The following CLN8 variants were observed in gnomAD, a reference collection of about 807,000 sequenced individuals.
CLN8 encodes CLN8 transmembrane ER and ERGIC protein, also known as protein CLN8.
A neutral mutation model predicts 15.7 loss-of-function variants in CLN8; 14 were observed. That is an observed-to-expected ratio of 0.89 (90% CI 0.59 to 1.39). The LOEUF is 1.39. Among genes scored for constraint, CLN8 ranks in the 40% most tolerant of loss-of-function variants. The pLI, the probability that CLN8 is intolerant of heterozygous loss-of-function variation, is 0.00. For synonymous variants in CLN8, 188 were observed against 151.0 expected, an observed-to-expected ratio of 1.25 and a Z score of -1.80; for missense variants, 415 against 364.0, an observed-to-expected ratio of 1.14 and a Z score of -1.14.
At chr8:1,779,630 A>G in intron 2 of CLN8, among the ~76,000 whole-genome samples, 1 of 152,240 alleles carries the variant, frequency 6.6e-6, no homozygotes, top group East Asian at 1.9e-4. Context: ...GGCAGCTGGA[A>G]TAGCAGAAAT....
intron 1 of CLN8, among the ~76,000 whole-genome samples, chr8:1,756,343 G>A (rs559382970): frequency 6.6e-6 from 1 of 152,108 alleles, no homozygotes; most frequent in African/African-American, 2.4e-5. Context: ...AATTAGCCGG[G>A]TGTAGTGGTA....
In CLN8 at chr8:1,782,505, T is replaced by C. The variant is rs567865373; in HGVS notation, c.*1938T>C. 1 of 152,318 alleles carries C rather than the reference T, an allele frequency of 6.6e-6. No homozygotes were observed. The highest frequency in any genetic ancestry group is 1.9e-4 in the East Asian group (1 of 5,188). The allele number at this position is 152,318 out of a possible 1,614,324, so 9.4% of individuals were successfully genotyped here. A position where few individuals can be genotyped will look rare whatever the true frequency, so the allele number is the denominator to read the frequency against. On this transcript the variant is annotated 3_prime_UTR_variant, in exon 3 of 3. Coordinates refer to ENST00000331222, the MANE Select transcript of CLN8 (RefSeq NM_018941.4). ...ATATTGACCAAGGTGTATAGTAACC[T>C]ATTTATCACATTTTACGAAGCAATT...
At chr8:1,778,023 G>T (rs1435466328) in intron 2 of CLN8, among the ~76,000 whole-genome samples, 1 of 152,252 alleles carries the variant, frequency 6.6e-6, no homozygotes, top group Non-Finnish European at 1.5e-5. Flanking sequence ...CAGTTGTCCA[G>T]CCTCACCTGG....
At chr8:1,758,551 C>A (rs919151798) in intron 1 of CLN8, 1 of 152,208 alleles carries the variant, frequency 6.6e-6, no homozygotes, top group Non-Finnish European at 1.5e-5. Context: ...GTTCTCTTCT[C>A]CAAACACCTC....
chr8:1,759,088 T>C (rs534232088), upstream of CLN8: 9 of 152,328 alleles, frequency 5.9e-5, no homozygotes, highest in African/African-American at 1.9e-4. Context: ...AGTATCTTAT[T>C]GCTACAGAGT....
chr8:1,771,335 A>C lies in CLN8; in HGVS notation c.281A>C (p.Asp94Ala). The C allele has an allele frequency of 1.2e-6, 2 of 1,614,212 alleles. No individual in the cohort carries two copies. The highest frequency in any genetic ancestry group is 4.5e-5 in the East Asian group (2 of 44,882). ...CTGGGGGACCCTGTGCTGCATGCCG[A>C]CAAGGCGCGTGGCCAGCAGAACTGG... is the stretch of plus-strand genomic sequence containing the variant. ...ALLGDPVLHA[D>A]KARGQQNWCW... The change falls in exon 2 of 3, where the codon GAC becomes GCC. Residue 94 changes from aspartate to alanine, a missense_variant. Coordinates refer to ENST00000331222, the MANE Select transcript of CLN8 (RefSeq NM_018941.4).
chr8:1,771,929 A>ACATTTATT (rs1801323180), intron 2 of CLN8, among the ~76,000 whole-genome samples: 1 of 148,058 alleles, frequency 6.8e-6, no homozygotes, highest in Non-Finnish European at 1.5e-5. Context: ...TTTTAATACT[A>ACATTTATT]TATTTATTTA....
chr8:1,772,850 T>A, intron 2 of CLN8: 1 of 398,062 alleles, frequency 2.5e-6, no homozygotes, highest in South Asian at 1.3e-4. Flanking sequence ...ATATTTGATA[T>A]GAAATTTGAG....
At chr8:1,755,356 A>C, upstream of CLN8, among the ~76,000 whole-genome samples, 1 of 150,904 alleles carries the variant, frequency 6.6e-6, no homozygotes, top group East Asian at 2.0e-4. Context: ...TCCCCACCCG[A>C]CTCCCCTCGC....
Position 1,771,006 on chromosome 8 carries a change from G to C in CLN8, c.-49G>C. On this transcript the variant is annotated 5_prime_UTR_variant, in exon 2 of 3. Coordinates refer to ENST00000331222, the MANE Select transcript of CLN8 (RefSeq NM_018941.4). ...TTCCTTAGACAAGACACAGTGTAGG[G>C]CCCGGCCCGTGTTGGCCCCAGGACT... is the stretch of plus-strand genomic sequence containing the variant. The C allele has an allele frequency of 6.3e-7, 1 of 1,582,986 alleles. No individual in the cohort carries two copies. The highest frequency in any genetic ancestry group is 8.7e-7 in the Non-Finnish European group (1 of 1,153,992).
At position 1,780,861 on chromosome 8, in the gene CLN8, A is replaced by G; in HGVS notation, c.*294A>G. On this transcript the variant is annotated 3_prime_UTR_variant, in exon 3 of 3. Coordinates refer to ENST00000331222, the MANE Select transcript of CLN8 (RefSeq NM_018941.4). ...AGGCATCGGGGCGTCACACCTGTTG[A>G]GGAGTGGGGTGGCTTTGAATGCTGG... 1 of 492,088 alleles carries G rather than the reference A, an allele frequency of 2.0e-6. No individual in the cohort carries two copies. Among genetic ancestry groups the G allele is most frequent in the Non-Finnish European group, 3.6e-6 (1 of 275,342 alleles). The allele number at this position is 492,088 out of a possible 1,614,324, so 30.5% of individuals were successfully genotyped here. A position where few individuals can be genotyped will look rare whatever the true frequency, so the allele number is the denominator to read the frequency against.
intron 1 of CLN8, 103 bp from the exon 2 acceptor site, chr8:1,770,829 G>C: frequency 1.7e-6 from 1 of 600,238 alleles, no homozygotes; most frequent in Non-Finnish European, 3.0e-6. Context: ...TTAAGAATAA[G>C]GTACAGAATT....
At chr8:1,768,914 T>C (rs575414230) in intron 1 of CLN8, among the ~76,000 whole-genome samples, 88 of 152,338 alleles carry the variant, frequency 5.8e-4, no homozygotes, top group Non-Finnish European at 9.8e-4. Flanking sequence ...ATATATAGCA[T>C]GACCAGAAGT....
At chr8:1,774,985 A>G (rs1397621251) in intron 2 of CLN8, among the ~76,000 whole-genome samples, 3 of 152,172 alleles carry the variant, frequency 2.0e-5, no homozygotes, top group African/African-American at 7.2e-5. Context: ...TCTCAAACAA[A>G]AACACAACCC....
chr8:1,758,352 T>G (rs1179080180), intron 1 of CLN8: 2 of 152,156 alleles, frequency 1.3e-5, no homozygotes, highest in Non-Finnish European at 2.9e-5. Context: ...GTAAATTAGT[T>G]GATGAGATTT....
At chr8:1,773,186 A>T (rs113067642) in intron 2 of CLN8, among the ~76,000 whole-genome samples, 1 of 152,084 alleles carries the variant, frequency 6.6e-6, no homozygotes, top group Non-Finnish European at 1.5e-5. Context: ...CAGTGACAGG[A>T]AAGTGCAGAG....
upstream of CLN8, chr8:1,763,045 T>G (rs550111772): frequency 6.6e-6 from 1 of 152,176 alleles, no homozygotes; most frequent in Non-Finnish European, 1.5e-5. Flanking sequence ...CGGAAACTCC[T>G]ACAGACAAAA....
chr8:1,778,029 C>T (rs1026136522), intron 2 of CLN8, among the ~76,000 whole-genome samples: 8 of 152,354 alleles, frequency 5.3e-5, no homozygotes, highest in Admixed American at 6.5e-5. Flanking sequence ...TCCAGCCTCA[C>T]CTGGGTGTGG....
upstream of CLN8, chr8:1,760,043 A>G (rs1005705553): frequency 2.0e-5 from 3 of 152,142 alleles, no homozygotes; most frequent in African/African-American, 7.2e-5. Context: ...ACCAGAAAGT[A>G]AGACAGTCCC....
Sources: allele counts gnomAD v4.1 joint callset (sites outside exome capture counted in the v4.1 genomes callset), GRCh38; gene constraint gnomAD v4.1.1; transcripts MANE v1.5; gene names NCBI Gene and HGNC (gene_info 2026-07-23, HGNC 2026-07-21).